Variants in NKAIN3 observed in about 807,000 individuals in gnomAD.
NKAIN3 encodes the protein sodium/potassium transporting ATPase interacting 3.
A neutral mutation model predicts 30.2 loss-of-function variants in NKAIN3; 25 were observed. The ratio of observed to expected loss-of-function variants is 0.83; its 90% confidence interval spans 0.60 to 1.16. The LOEUF (loss-of-function observed/expected upper bound fraction) is 1.16. Ranked by LOEUF, NKAIN3 falls within the 50% of genes most tolerant of loss-of-function variation. The pLI, the probability that NKAIN3 is intolerant of heterozygous loss-of-function variation, is 0.00. For missense variants in NKAIN3, 225 were observed against 254.1 expected (o/e 0.89, Z 0.78); for synonymous variants, 91 against 89.6 (o/e 1.02, Z -0.09).
At chr8:62,986,270 C>T (rs1824196287), downstream of NKAIN3, among the ~76,000 whole-genome samples, 1 of 152,214 alleles carries the variant, frequency 6.6e-6, no homozygotes, top group Admixed American at 6.5e-5. Context: ...CTGTGGAACG[C>T]AGCCCATTCA....
chr8:62,862,141 C>A (rs1403413264), intron 4 of NKAIN3, among the ~76,000 whole-genome samples: 1 of 152,084 alleles, frequency 6.6e-6, no homozygotes, highest in African/African-American at 2.4e-5. Context: ...AACTAGACAG[C>A]TTCCCCTCTG....
intron 1 of NKAIN3, among the ~76,000 whole-genome samples, chr8:62,521,291 C>T (rs985454866): frequency 1.3e-5 from 2 of 152,002 alleles, no homozygotes; most frequent in Non-Finnish European, 2.9e-5. Context: ...TTCCAAATGT[C>T]GTTTTTGCAA....
rs1256168701 is a variant in NKAIN3, at chr8:62,343,403, T to C, written c.54+94276T>C. On this transcript the variant is annotated intron_variant, in intron 1 of 6. Transcript: ENST00000623646. ...GTATCCTATCTACTCAGGTGACAAA[T>C]TATTTTTATTTCAACATTATTCTCT... 2.0e-5 allele frequency among the ~76,000 whole-genome samples: 3 copies of C among 152,104 alleles called. No individual in the cohort carries two copies. The East Asian group carries it at 5.8e-4, about 29-fold the overall frequency.
chr8:62,817,847 T>C (rs1026651963), intron 4 of NKAIN3, among the ~76,000 whole-genome samples: 1 of 152,168 alleles, frequency 6.6e-6, no homozygotes, highest in African/African-American at 2.4e-5. Flanking sequence ...CAGACCAGGG[T>C]CCAGCAGGTC....
At chr8:62,933,987 A>G (rs142744143) in intron 5 of NKAIN3, among the ~76,000 whole-genome samples, 1 of 152,366 alleles carries the variant, frequency 6.6e-6, no homozygotes, top group Admixed American at 6.5e-5. Context: ...GACAAAGATT[A>G]AGGAATGATT....
chr8:62,310,714 C>T (rs1235774580), intron 1 of NKAIN3, among the ~76,000 whole-genome samples: 2 of 150,164 alleles, frequency 1.3e-5, no homozygotes, highest in Non-Finnish European at 2.9e-5. Context: ...TGCGCATCCT[C>T]GGGGGTTGTA....
intron 4 of NKAIN3, among the ~76,000 whole-genome samples, chr8:62,753,228 A>ACG (rs1156391056): frequency 7.3e-5 from 11 of 150,462 alleles, no homozygotes; most frequent in African/African-American, 2.7e-4. Context: ...ACACACACAC[A>ACG]CACACGCACG....
At chr8:62,762,054 G>C (rs183318588) in intron 4 of NKAIN3, among the ~76,000 whole-genome samples, 3 of 152,282 alleles carry the variant, frequency 2.0e-5, no homozygotes, top group East Asian at 3.9e-4. Flanking sequence ...GGTAGCTCAC[G>C]CCTGTAATCC....
At chr8:62,829,204 T>G (rs1332626984) in intron 4 of NKAIN3, among the ~76,000 whole-genome samples, 1 of 152,202 alleles carries the variant, frequency 6.6e-6, no homozygotes, top group Non-Finnish European at 1.5e-5. Flanking sequence ...GGTTTTTTAG[T>G]GTGTCAACCT....
intron 1 of NKAIN3, among the ~76,000 whole-genome samples, chr8:62,289,523 T>C (rs1813510137): frequency 1.3e-5 from 2 of 152,232 alleles, no homozygotes; most frequent in African/African-American, 4.8e-5. Flanking sequence ...TTCTTGTTTT[T>C]GTCAGGTTTG....
intron 3 of NKAIN3, among the ~76,000 whole-genome samples, chr8:62,654,992 G>A (rs563694760): frequency 4.4e-4 from 67 of 152,246 alleles, no homozygotes; most frequent in African/African-American, 1.5e-3. Flanking sequence ...GATAGCCAAG[G>A]GCTCTATATT....
chr8:62,437,655 G>A (rs1431864118), intron 1 of NKAIN3, among the ~76,000 whole-genome samples: 2 of 152,124 alleles, frequency 1.3e-5, no homozygotes, highest in Non-Finnish European at 2.9e-5. Flanking sequence ...GTAATGCTTA[G>A]GACCTGTGAA....
chr8:62,506,229 G>GC (rs1807631752), intron 1 of NKAIN3, among the ~76,000 whole-genome samples: 1 of 15,868 alleles, frequency 6.3e-5, no homozygotes, highest in Admixed American at 6.5e-4. Flanking sequence ...TGAGAATATT[G>GC]GGGGGGGGGA....
chr8:62,855,416 G>A, intron 4 of NKAIN3: 2 of 959,980 alleles, frequency 2.1e-6, no homozygotes, highest in Non-Finnish European at 3.4e-6. Flanking sequence ...GCTGATATTG[G>A]CCTTCAGCTC....
intron 5 of NKAIN3, among the ~76,000 whole-genome samples, chr8:62,937,369 G>C (rs1822818008): frequency 6.6e-6 from 1 of 152,152 alleles, no homozygotes; most frequent in Non-Finnish European, 1.5e-5. Flanking sequence ...AAGTGTGAGA[G>C]GGGGAATGTC....
intron 4 of NKAIN3, among the ~76,000 whole-genome samples, chr8:62,807,064 A>C (rs1053364515): frequency 1.3e-5 from 2 of 152,144 alleles, no homozygotes; most frequent in Non-Finnish European, 2.9e-5. Context: ...TCACGTATTT[A>C]GTTTGTTAAA....
At chr8:62,367,546 A>G (rs887545029) in intron 1 of NKAIN3, among the ~76,000 whole-genome samples, 1 of 152,178 alleles carries the variant, frequency 6.6e-6, no homozygotes, top group African/African-American at 2.4e-5. Context: ...ACTCTCAACA[A>G]ATTAGATATG....
chr8:62,461,300 T>C (rs1331362955), intron 1 of NKAIN3, among the ~76,000 whole-genome samples: 1 of 152,202 alleles, frequency 6.6e-6, no homozygotes, highest in Admixed American at 6.5e-5. Flanking sequence ...TATTCCAGAA[T>C]AGTCATCAAA....
chr8:62,486,451 T>G (rs1398384681), intron 1 of NKAIN3, among the ~76,000 whole-genome samples: 4 of 152,206 alleles, frequency 2.6e-5, no homozygotes, highest in Admixed American at 2.6e-4. Context: ...ATCAGAATGT[T>G]AGGTGGTCTA....
Sources: allele counts gnomAD v4.1 joint callset (sites outside exome capture counted in the v4.1 genomes callset), GRCh38; gene constraint gnomAD v4.1.1; transcripts MANE v1.5; gene names NCBI Gene and HGNC (gene_info 2026-07-23, HGNC 2026-07-21).